The following XKR9 variants were observed in gnomAD, a reference collection of about 807,000 sequenced individuals.
XKR9 encodes XK-related protein 9.
A neutral mutation model predicts 32.0 loss-of-function variants in XKR9; 32 were observed. The ratio of observed to expected loss-of-function variants is 1.00; its 90% CI spans 0.76 to 1.34. The LOEUF is 1.34. Ranked by LOEUF, XKR9 falls within the 40% of genes most tolerant of loss-of-function variation. The pLI, the probability that XKR9 is intolerant of heterozygous loss-of-function variation, is 0.00. For synonymous variants in XKR9, 168 were observed against 143.4 expected, an observed-to-expected ratio of 1.17 and a Z score of -1.22; for missense variants, 546 against 429.7, an observed-to-expected ratio of 1.27 and a Z score of -2.39.
chr8:70,922,813 G>A, the XKR9 span, among the ~76,000 whole-genome samples: 1 of 152,184 alleles, frequency 6.6e-6, no homozygotes, highest in South Asian at 2.1e-4. Flanking sequence ...GGAAACAGCA[G>A]CAATCATGCT....
chr8:70,673,634 G>A (rs545879733), intron 1 of XKR9, among the ~76,000 whole-genome samples: 27 of 152,082 alleles, frequency 1.8e-4, no homozygotes, highest in Non-Finnish European at 3.2e-4. Flanking sequence ...GCATGGTGGC[G>A]GGTGCCTGTA....
chr8:70,983,209 T>C, the XKR9 span, among the ~76,000 whole-genome samples: 2 of 152,176 alleles, frequency 1.3e-5, no homozygotes, highest in Admixed American at 1.3e-4. Flanking sequence ...ATAGCATTCT[T>C]TCCCCTTTTC....
chr8:70,986,912 T>C, the XKR9 span, among the ~76,000 whole-genome samples: 1 of 152,162 alleles, frequency 6.6e-6, no homozygotes, highest in Non-Finnish European at 1.5e-5. Flanking sequence ...TTCACAATCA[T>C]GGTGGAAGGC....
chr8:70,853,281 G>A, the XKR9 span, among the ~76,000 whole-genome samples: 2 of 152,000 alleles, frequency 1.3e-5, no homozygotes, highest in Non-Finnish European at 2.9e-5. Context: ...TGTGGAGAAA[G>A]TGGGGATGGA....
the XKR9 span, among the ~76,000 whole-genome samples, chr8:71,025,442 T>C: frequency 6.6e-6 from 1 of 152,250 alleles, no homozygotes; most frequent in Non-Finnish European, 1.5e-5. Context: ...ACTTGAATAT[T>C]TCTTTGCAAA....
the XKR9 span, among the ~76,000 whole-genome samples, chr8:70,897,354 A>T: frequency 2.0e-5 from 3 of 152,230 alleles, no homozygotes; most frequent in African/African-American, 7.2e-5. Flanking sequence ...GCAGGAGTGC[A>T]GATATCTCTT....
chr8:70,990,348 C>A, the XKR9 span, among the ~76,000 whole-genome samples: 219 of 152,244 alleles, frequency 1.4e-3, no homozygotes, highest in Non-Finnish European at 1.5e-3. Flanking sequence ...GACATGAAAA[C>A]ACAGGGAGAT....
chr8:70,878,195 A>G, the XKR9 span, among the ~76,000 whole-genome samples: 2 of 152,214 alleles, frequency 1.3e-5, no homozygotes, highest in Admixed American at 1.3e-4. Context: ...CAGCTGCTGC[A>G]AAAATAGGCC....
the XKR9 span, among the ~76,000 whole-genome samples, chr8:71,006,929 G>A: frequency 2.6e-5 from 4 of 152,278 alleles, no homozygotes; most frequent in East Asian, 1.9e-4. Context: ...ATAGTTTGGT[G>A]ACAAGTGGAT....
the XKR9 span, among the ~76,000 whole-genome samples, chr8:70,900,812 C>T: frequency 6.6e-6 from 1 of 152,024 alleles, no homozygotes; most frequent in Non-Finnish European, 1.5e-5. Flanking sequence ...CCTCCCCTAC[C>T]CCCGACCCCA....
At chr8:70,758,741 T>A (rs1807264950) in intron 2 of XKR9, among the ~76,000 whole-genome samples, 1 of 152,208 alleles carries the variant, frequency 6.6e-6, no homozygotes, top group Non-Finnish European at 1.5e-5. Flanking sequence ...GATTTAAGAT[T>A]AGAGTAGTTC....
chr8:70,713,933 C>T (rs1806005245), intron 4 of XKR9, among the ~76,000 whole-genome samples: 2 of 152,094 alleles, frequency 1.3e-5, no homozygotes, highest in Admixed American at 6.6e-5. Flanking sequence ...TTTATTTTCT[C>T]ACAGTTCTAG....
the XKR9 span, among the ~76,000 whole-genome samples, chr8:71,055,653 A>T: frequency 6.6e-6 from 1 of 152,210 alleles, no homozygotes; most frequent in Non-Finnish European, 1.5e-5. Context: ...AACACTGATT[A>T]ATCCTCCCCG....
chr8:70,712,670 C>T (rs1805958290), intron 4 of XKR9, among the ~76,000 whole-genome samples: 1 of 152,066 alleles, frequency 6.6e-6, no homozygotes, highest in Non-Finnish European at 1.5e-5. Flanking sequence ...TACATTTTTG[C>T]AACCAAAATT....
intron 2 of XKR9, among the ~76,000 whole-genome samples, chr8:70,785,130 CAGGTCCT>C (rs1248910753): frequency 6.6e-6 from 1 of 151,946 alleles, no homozygotes; most frequent in Admixed American, 6.6e-5. Context: ...GTGAAGTCAT[CAGGTCCT>C]AGGCTTTTCT....
chr8:70,772,571 G>A (rs1807467676), intron 2 of XKR9, among the ~76,000 whole-genome samples: 1 of 152,126 alleles, frequency 6.6e-6, no homozygotes, highest in Non-Finnish European at 1.5e-5. Flanking sequence ...TATAACATTT[G>A]TGACATTGAC....
intron 2 of XKR9, among the ~76,000 whole-genome samples, chr8:70,754,254 G>C (rs13261226): frequency 0.44 from 64,196 of 146,770 alleles, 17,688 homozygotes; most frequent in Non-Finnish European, 0.56. Context: ...ACTGCTCAAT[G>C]AAATAAAAGA....
the XKR9 span, among the ~76,000 whole-genome samples, chr8:71,034,395 C>T: frequency 5.3e-5 from 8 of 152,192 alleles, no homozygotes; most frequent in African/African-American, 1.7e-4. Context: ...GACGCCTCCC[C>T]AGCCATGTGG....
intron 2 of XKR9, among the ~76,000 whole-genome samples, chr8:70,679,634 G>A (rs2132107932): frequency 6.6e-6 from 1 of 152,252 alleles, no homozygotes; most frequent in African/African-American, 2.4e-5. Flanking sequence ...CATAGAAGAT[G>A]TTTCTGTTTT....
Sources: gnomAD v4.1 joint callset for allele counts (sites outside exome capture counted in the v4.1 genomes callset) on GRCh38, gnomAD v4.1.1 for gene constraint, MANE v1.5 for transcripts, NCBI Gene and HGNC (gene_info 2026-07-23, HGNC 2026-07-21) for gene names.